NCKAP1: variants seen among roughly 807,000 people sequenced by gnomAD.
NCKAP1 encodes the protein nck-associated protein 1.
NCKAP1 carries 21 observed loss-of-function variants against 151.2 expected under a neutral mutation model. The ratio of observed to expected loss-of-function variants is 0.14; its 90% confidence interval spans 0.10 to 0.20. NCKAP1 has a LOEUF of 0.20. NCKAP1 is among the 10% of genes least tolerant of loss of function. NCKAP1 has a pLI of 1.00. For missense variants in NCKAP1, 933 were observed against 1,352.1 expected, an observed-to-expected ratio of 0.69 and a Z score of 4.86; for synonymous variants, 484 against 451.8, an observed-to-expected ratio of 1.07 and a Z score of -0.90.
At chr2:183,012,251 A>G (rs916539678) in intron 2 of NCKAP1, among the ~76,000 whole-genome samples, 1 of 152,222 alleles carries the variant, frequency 6.6e-6, no homozygotes, top group African/African-American at 2.4e-5. Context: ...AAGAAAGGTC[A>G]GAACTTCTAA....
At position 183,036,923 on chromosome 2, in the gene NCKAP1, G is replaced by T. The variant is rs553131599; in HGVS notation, c.108+1069C>A. Reference sequence around the variant, plus strand: ...CGATATATTAAAAAGCCAACAAATAGTTATGAAGGTATGACATCAAAGACA... The same window carrying T: ...CGATATATTAAAAAGCCAACAAATATTTATGAAGGTATGACATCAAAGACA... On this transcript the variant is annotated intron_variant, in intron 1 of 30. Coordinates refer to ENST00000361354, the MANE Select transcript of NCKAP1 (RefSeq NM_013436.5). Among the ~76,000 whole-genome samples the T allele has an allele frequency of 1.3e-4, 20 of 151,856 alleles. No homozygotes were observed. In the South Asian group the frequency reaches 4.2e-3, roughly 32 times the overall value.
chr2:183,026,875 TA>T (rs1328661802), intron 1 of NCKAP1, among the ~76,000 whole-genome samples: 1 of 152,182 alleles, frequency 6.6e-6, no homozygotes, highest in African/African-American at 2.4e-5. Context: ...ATAATAGCTA[TA>T]ATGATGATAA....
intron 9 of NCKAP1, among the ~76,000 whole-genome samples, chr2:182,987,108 G>A (rs1698072016): frequency 6.6e-6 from 1 of 152,134 alleles, no homozygotes; most frequent in African/African-American, 2.4e-5. Context: ...CGGGCATGGT[G>A]GCGGGCACCT....
At chr2:183,031,390 A>G (rs1173455037) in intron 1 of NCKAP1, among the ~76,000 whole-genome samples, 1 of 152,206 alleles carries the variant, frequency 6.6e-6, no homozygotes, top group Non-Finnish European at 1.5e-5. Context: ...AAGTATATAT[A>G]TTGTCATACC....
intron 23 of NCKAP1, among the ~76,000 whole-genome samples, chr2:182,950,914 C>T (rs188522529): frequency 1.3e-5 from 2 of 152,138 alleles, no homozygotes; most frequent in Admixed American, 1.3e-4. Context: ...CTTACTGCAA[C>T]CTCCGCCTCC....
chr2:182,990,453 A>G (rs919805223), intron 8 of NCKAP1, among the ~76,000 whole-genome samples: 15 of 152,344 alleles, frequency 9.8e-5, no homozygotes, highest in African/African-American at 3.6e-4. Flanking sequence ...AATACTTTCA[A>G]TATATTAAGT....
At chr2:182,969,454 T>G (rs567483601) in intron 15 of NCKAP1, among the ~76,000 whole-genome samples, 5 of 151,964 alleles carry the variant, frequency 3.3e-5, no homozygotes, top group African/African-American at 9.7e-5. Context: ...GGAAAGTTTA[T>G]AGCAATAAAC....
In NCKAP1 at chr2:182,919,064, G is replaced by A. The variant is rs1226704086; in HGVS notation, c.*6638C>T. On this transcript the variant is annotated 3_prime_UTR_variant, in exon 31 of 31. Coordinates refer to ENST00000361354, the MANE Select transcript of NCKAP1 (RefSeq NM_013436.5). Reference sequence around the variant, plus strand: ...CATCATGATATAGGATTACTGTGAAGACTAAAAGAGCAATATTTAGAGGTT... The same window carrying A: ...CATCATGATATAGGATTACTGTGAAAACTAAAAGAGCAATATTTAGAGGTT... 6.6e-6 allele frequency: 1 copy of A among 152,176 alleles called. No individual in the cohort carries two copies. Among genetic ancestry groups the A allele is most frequent in the African/African-American group, 2.4e-5 (1 of 41,438 alleles). 9.4% of individuals were successfully genotyped at this position (152,176 alleles called of 1,614,324 possible).
chr2:183,001,085 G>A (rs967221173), intron 6 of NCKAP1, among the ~76,000 whole-genome samples: 5 of 152,164 alleles, frequency 3.3e-5, no homozygotes, highest in East Asian at 1.9e-4. Context: ...AGAGCGAGAC[G>A]CTGTCTCAAA....
Position 182,987,882 on chromosome 2 carries a change from G to T in NCKAP1, c.947+1148C>A, listed in dbSNP as rs191367626. Reference sequence around the variant, plus strand: ...AATAGTAGTCACTTGAGAAAGGAGTGGGGGGGGAGTGGGGACTAGGCATGG... The same window carrying T: ...AATAGTAGTCACTTGAGAAAGGAGTTGGGGGGGAGTGGGGACTAGGCATGG... On this transcript the variant is annotated intron_variant, in intron 9 of 30. Coordinates refer to ENST00000361354, the MANE Select transcript of NCKAP1 (RefSeq NM_013436.5). 5.4e-3 allele frequency among the ~76,000 whole-genome samples: 817 copies of T among 151,496 alleles called. 5 individuals are homozygous for T. Among genetic ancestry groups the T allele is most frequent in the Non-Finnish European group, 5.7e-3 (385 of 67,784 alleles).
Position 183,003,014 on chromosome 2 carries a change from A to C in NCKAP1, c.329T>G (p.Leu110Trp). ...TTGGCAAACGTCAATAGTATTCAGC[A>C]ATTCACAAACATGGTCCTGAAAAGA... ...VMEFKDHVCE[L>W]LNTIDVCQVF... is the part of the protein sequence containing the mutation. The change falls in exon 4 of 31, where the codon TTG becomes TGG. Residue 110 changes from leucine to tryptophan, a missense_variant. Around this residue, in one of 2 missense-constraint regions of NCKAP1, gnomAD observed 607 missense variants for 795.0 expected, o/e 0.76. Transcript: ENST00000361354. The C allele has an allele frequency of 6.2e-7, 1 of 1,608,694 alleles. No homozygotes were observed. Among genetic ancestry groups the C allele is most frequent in the Non-Finnish European group, 8.5e-7 (1 of 1,176,508 alleles).
Position 182,967,370 on chromosome 2 carries a change from T to C in NCKAP1, c.1483-9A>G. The C allele has an allele frequency of 6.5e-7, 1 of 1,549,168 alleles. No individual in the cohort carries two copies. Among genetic ancestry groups the C allele is most frequent in the South Asian group, 1.2e-5 (1 of 80,848 alleles). On this transcript the variant is annotated splice_polypyrimidine_tract_variant and intron_variant, in intron 15 of 30. Coordinates refer to ENST00000361354, the MANE Select transcript of NCKAP1 (RefSeq NM_013436.5). Reference sequence around the variant, plus strand: ...GAGACACTAGTATATGCCTATAAAGTACAAAAAAAAAAAAGTAGTTCAGGT... The same window carrying C: ...GAGACACTAGTATATGCCTATAAAGCACAAAAAAAAAAAAGTAGTTCAGGT...
At chr2:182,938,780 C>T (rs1226588202) in intron 24 of NCKAP1, among the ~76,000 whole-genome samples, 2 of 152,128 alleles carry the variant, frequency 1.3e-5, no homozygotes, top group Non-Finnish European at 2.9e-5. Flanking sequence ...ATGCACTAAC[C>T]AAATTTCATA....
rs965597284 is a variant in NCKAP1, at chr2:183,015,803, A to C, written c.219+8003T>G. ...CAGAACACTGTATAATTACAGAACCAAAAAAAAAAGCATTAACAATTTTGA... is the reference window on the plus strand; with the variant it reads ...CAGAACACTGTATAATTACAGAACCCAAAAAAAAAGCATTAACAATTTTGA... On this transcript the variant is annotated intron_variant, in intron 2 of 30. Transcript: ENST00000361354. Among the ~76,000 whole-genome samples, 33 of 147,820 alleles carry C rather than the reference A, an allele frequency of 2.2e-4. 1 individual carries two copies. The highest frequency in any genetic ancestry group is 3.5e-3 in the Middle Eastern group (1 of 288).
chr2:183,011,613 A>T (rs1256132069), intron 2 of NCKAP1, among the ~76,000 whole-genome samples: 1 of 152,204 alleles, frequency 6.6e-6, no homozygotes, highest in Non-Finnish European at 1.5e-5. Context: ...TTAATTGGTG[A>T]GTAGTATTCT....
At chr2:182,943,652 A>C (rs72886557) in intron 23 of NCKAP1, among the ~76,000 whole-genome samples, 3,778 of 152,214 alleles carry the variant, frequency 0.025, 74 homozygotes, top group Non-Finnish European at 0.04. Flanking sequence ...GGAAAAAAAA[A>C]ACCCAACTAC....
At chr2:183,006,946 ACTGCAAT>A (rs148453254) in intron 2 of NCKAP1, among the ~76,000 whole-genome samples, 140 of 152,236 alleles carry the variant, frequency 9.2e-4, no homozygotes, top group African/African-American at 3.2e-3. Flanking sequence ...ATGTCGGCTC[ACTGCAAT>A]CTCTGCCTTC....
At chr2:182,977,516 A>C (rs1027136021) in intron 14 of NCKAP1, among the ~76,000 whole-genome samples, 1 of 152,052 alleles carries the variant, frequency 6.6e-6, no homozygotes, top group African/African-American at 2.4e-5. Context: ...AATATCATGC[A>C]CTATTATTCT....
chr2:182,980,235 T>A (rs1697909949), intron 13 of NCKAP1, among the ~76,000 whole-genome samples: 1 of 152,048 alleles, frequency 6.6e-6, no homozygotes, highest in African/African-American at 2.4e-5. Flanking sequence ...CTGAGCTCCA[T>A]CTAGTGGATA....
Sources: allele counts gnomAD v4.1 joint callset (sites outside exome capture counted in the v4.1 genomes callset), GRCh38; gene constraint gnomAD v4.1.1; regional missense constraint gnomAD v4.1.1; transcripts MANE v1.5; gene names NCBI Gene and HGNC (gene_info 2026-07-23, HGNC 2026-07-21).